NECTIN2: variants seen among roughly 807,000 people sequenced by gnomAD.
The protein encoded by NECTIN2 is nectin-2.
Under a neutral mutation model 56.9 loss-of-function variants are expected in NECTIN2, and 23 were observed. The observed-to-expected ratio is 0.40, with a 90% confidence interval of 0.29 to 0.57. NECTIN2 has a LOEUF of 0.57. Ranked by LOEUF, NECTIN2 falls within the 20% of genes least tolerant of loss-of-function variation. The pLI is 0.38. For missense variants in NECTIN2, 587 were observed against 718.3 expected (o/e 0.82, Z 2.09); for synonymous variants, 302 against 313.8 (o/e 0.96, Z 0.40).
chr19:44,882,740 G>A (rs1318053009), intron 6 of NECTIN2, among the ~76,000 whole-genome samples: 14 of 138,234 alleles, frequency 1.0e-4, no homozygotes, highest in Non-Finnish European at 7.7e-5. Context: ...GGCTCTGACC[G>A]CTCCGCTCTG....
chr19:44,878,585 G>T, intron 5 of NECTIN2: 1 of 1,610,640 alleles, frequency 6.2e-7, no homozygotes, highest in Non-Finnish European at 8.5e-7. Context: ...CCAGCTGGAC[G>T]GCTCCCTCAT....
At chr19:44,884,247 C>T (rs1239759252) in intron 6 of NECTIN2, among the ~76,000 whole-genome samples, 2 of 152,300 alleles carry the variant, frequency 1.3e-5, no homozygotes, top group African/African-American at 2.4e-5. Flanking sequence ...CTGCAACCTT[C>T]GCCTCCTGAG....
intron 5 of NECTIN2, chr19:44,878,491 TGAGGAGGAG>T (rs558397688): frequency 6.4e-7 from 1 of 1,565,492 alleles, no homozygotes; most frequent in Non-Finnish European, 8.7e-7. Flanking sequence ...ATGGCAAGGA[TGAGGAGGAG>T]GAGGAGGAGG....
In NECTIN2 at chr19:44,875,995, GCACA is replaced by G. The variant is rs1969232683; in HGVS notation, c.1042+1519_1042+1522del. Among the ~76,000 whole-genome samples, 1 of 152,090 alleles carries G rather than the reference GCACA, an allele frequency of 6.6e-6. No homozygotes were observed. Among genetic ancestry groups the G allele is most frequent in the African/African-American group, 2.4e-5 (1 of 41,396 alleles). ...AAACTAATCCAGGACAGCAACGGCTGCACACGGAGGAATGTCATCCCTCACTCAC... is the reference window on the plus strand; with the variant it reads ...AAACTAATCCAGGACAGCAACGGCTGCGGAGGAATGTCATCCCTCACTCAC... On this transcript the variant is annotated intron_variant, in intron 5 of 8. Coordinates refer to ENST00000252483, the MANE Select transcript of NECTIN2 (RefSeq NM_001042724.2). This position sits in a 1 kb window ranked among gnomAD's most constrained non-coding sequence, Gnocchi z 4.2.
intron 1 of NECTIN2, among the ~76,000 whole-genome samples, chr19:44,858,568 T>C (rs418227): frequency 0.36 from 54,151 of 151,698 alleles, 10,261 homozygotes; most frequent in Non-Finnish European, 0.39. Context: ...GGGTGATCCA[T>C]CCGCCTCGGC....
chr19:44,869,641 A>T lies in NECTIN2; in HGVS notation c.479-2212A>T, dbSNP rs180727863. 2.4e-4 allele frequency among the ~76,000 whole-genome samples: 37 copies of T among 151,616 alleles called. No individual in the cohort carries two copies. In the East Asian group the frequency reaches 6.8e-3, roughly 28 times the overall value. Reference sequence around the variant, plus strand: ...AAAATATGATTAAGTGTAGGGTTTAATCAAGCCCAAAGCTTGAGGATGACC... The same window carrying T: ...AAAATATGATTAAGTGTAGGGTTTATTCAAGCCCAAAGCTTGAGGATGACC... On this transcript the variant is annotated intron_variant, in intron 2 of 8. Transcript: ENST00000252483.
chr19:44,859,220 G>T (rs1969004201), intron 1 of NECTIN2, among the ~76,000 whole-genome samples: 1 of 152,170 alleles, frequency 6.6e-6, no homozygotes, highest in Non-Finnish European at 1.5e-5. Flanking sequence ...TGGGGGCTGA[G>T]TGCCAAGGCC....
rs1458505611 is a variant in NECTIN2 at position 44,888,361 on chromosome 19, C to T, written c.1599C>T (p.Ser533=). The T allele has an allele frequency of 1.9e-6, 3 of 1,612,530 alleles. No individual in the cohort carries two copies. Among genetic ancestry groups the T allele is most frequent in the Admixed American group, 1.7e-5 (1 of 59,974 alleles). Residue 533 remains serine, a synonymous_variant, in exon 9 of 9, where the codon TCC becomes TCT. Transcript: ENST00000252483. ...DSYQGKGFVM[S]RAMYV ...ACCAGGGCAAAGGCTTTGTCATGTC[C>T]CGGGCCATGTATGTGTGAGCTGCCA...
At chr19:44,888,063 C>T (rs929702812) in intron 8 of NECTIN2, 47 bp from the exon 9 acceptor site, 17 of 1,577,068 alleles carry the variant, frequency 1.1e-5, no homozygotes, top group East Asian at 4.5e-5. Context: ...TAATCTGTGT[C>T]GTGCGTAGGA....
rs1275265389 is a variant in NECTIN2, at chr19:44,865,587, G to C, written c.405G>C (p.Glu135Asp). The C allele has an allele frequency of 4.9e-5, 76 of 1,545,830 alleles. No homozygotes were observed. The highest frequency in any genetic ancestry group is 6.6e-5 in the Non-Finnish European group (76 of 1,148,276). The change falls in exon 2 of 9, where the codon GAG becomes GAC. Residue 135 changes from glutamate to aspartate, a missense_variant. By Grantham distance (45) the Glu-to-Asp change is conservative. Coordinates refer to ENST00000252483, the MANE Select transcript of NECTIN2 (RefSeq NM_001042724.2). This position sits in a 1 kb window ranked among gnomAD's most constrained non-coding sequence, Gnocchi z 5.2. ...LALHGLTVED[E>D]GNYTCEFATF... ...TCCACGGGCTCACGGTGGAGGACGA[G>C]GGCAACTACACTTGCGAGTTTGCCA...
At chr19:44,855,866 C>CA (rs1968959692) in intron 1 of NECTIN2, among the ~76,000 whole-genome samples, 1 of 152,184 alleles carries the variant, frequency 6.6e-6, no homozygotes, top group Admixed American at 6.5e-5. Flanking sequence ...GACCCTCTAG[C>CA]ACCCAGGACC....
At chr19:44,853,564 C>T (rs1272879017) in intron 1 of NECTIN2, among the ~76,000 whole-genome samples, 2 of 151,226 alleles carry the variant, frequency 1.3e-5, no homozygotes, top group Non-Finnish European at 2.9e-5. Flanking sequence ...TCTCAGCTCA[C>T]TACAACCTCC....
At chr19:44,877,449 C>T (rs185390208) in intron 5 of NECTIN2, among the ~76,000 whole-genome samples, 257 of 152,334 alleles carry the variant, frequency 1.7e-3, no homozygotes, top group African/African-American at 5.6e-3. Context: ...ATCCCCCATC[C>T]CCACCTGCTC....
At chr19:44,873,185 C>G (rs540571028) in intron 3 of NECTIN2, among the ~76,000 whole-genome samples, 22 of 152,226 alleles carry the variant, frequency 1.4e-4, no homozygotes, top group South Asian at 8.3e-4. Flanking sequence ...TACACAGATT[C>G]CCTAAGCCAA....
At chr19:44,861,655 T>C (rs910965226) in intron 1 of NECTIN2, among the ~76,000 whole-genome samples, 1 of 152,044 alleles carries the variant, frequency 6.6e-6, no homozygotes, top group Non-Finnish European at 1.5e-5. Context: ...TAAACAAATT[T>C]ACAAGAAAAG....
intron 1 of NECTIN2, among the ~76,000 whole-genome samples, chr19:44,850,302 C>T (rs1191178576): frequency 1.3e-5 from 2 of 151,972 alleles, no homozygotes; most frequent in Admixed American, 6.6e-5. Flanking sequence ...GAAGAGGCCC[C>T]GGAAGACACA....
intron 1 of NECTIN2, among the ~76,000 whole-genome samples, chr19:44,847,764 G>C (rs999556164): frequency 6.6e-6 from 1 of 152,174 alleles, no homozygotes; most frequent in African/African-American, 2.4e-5. Context: ...GGACTCCCCG[G>C]TTTCGGGACC....
intron 3 of NECTIN2, among the ~76,000 whole-genome samples, chr19:44,873,033 G>A (rs1969195882): frequency 6.6e-6 from 1 of 151,620 alleles, no homozygotes; most frequent in Admixed American, 6.6e-5. Flanking sequence ...ACCTCGTAAT[G>A]TTACCCAGAG....
chr19:44,873,857 C>T (rs547830163), intron 3 of NECTIN2, 59 bp from the exon 4 acceptor site: 76 of 1,347,542 alleles, frequency 5.6e-5, no homozygotes, highest in Middle Eastern at 1.8e-4. Context: ...TATCTGCTAA[C>T]TTGTCCACCC....
Sources: allele counts gnomAD v4.1 joint callset (sites outside exome capture counted in the v4.1 genomes callset), GRCh38; gene constraint gnomAD v4.1.1; non-coding constraint Gnocchi (gnomAD v3.1); transcripts MANE v1.5; gene names NCBI Gene and HGNC (gene_info 2026-07-23, HGNC 2026-07-21).